Variants in NMBR observed in about 807,000 individuals in gnomAD.
NMBR encodes the protein neuromedin B receptor.
A neutral mutation model predicts 20.5 loss-of-function variants in NMBR; 16 were observed. The observed-to-expected ratio is 0.78, with a 90% CI of 0.53 to 1.19. NMBR has a LOEUF of 1.19. Among genes scored for constraint, NMBR ranks in the 50% most tolerant of loss-of-function variants. The pLI is 0.00. For missense variants in NMBR, 582 were observed against 499.1 expected, an observed-to-expected ratio of 1.17 and a Z score of -1.58; for synonymous variants, 212 against 196.6, an observed-to-expected ratio of 1.08 and a Z score of -0.65.
chr6:142,121,585 A>C (rs550777197), intron 1 of NMBR, among the ~76,000 whole-genome samples: 1 of 151,958 alleles, frequency 6.6e-6, no homozygotes, highest in Non-Finnish European at 1.5e-5. Context: ...ACTGTAACTC[A>C]GTAGCTTAGC....
Position 142,074,860 on chromosome 6 carries a change from A to G in NMBR, c.*788T>C, listed in dbSNP as rs1460130408. Among the ~76,000 whole-genome samples, 1 of 152,084 alleles carries G rather than the reference A, an allele frequency of 6.6e-6. No individual in the cohort carries two copies. The highest frequency in any genetic ancestry group is 1.9e-4 in the East Asian group (1 of 5,198). On this transcript the variant is annotated 3_prime_UTR_variant, in exon 4 of 4. Transcript: ENST00000258042. ...TCATAATGTAAATCATATTCATATGATACCTATTTTACATTCATAATATAA... is the reference window on the plus strand; with the variant it reads ...TCATAATGTAAATCATATTCATATGGTACCTATTTTACATTCATAATATAA...
intron 1 of NMBR, chr6:142,134,005 C>T (rs1487837097): frequency 1.4e-6 from 1 of 702,262 alleles, no homozygotes; most frequent in Non-Finnish European, 2.6e-6. Context: ...TCTTCTGTTA[C>T]AATCAGTTCA....
chr6:142,139,658 C>T (rs1313303033), intron 1 of NMBR, among the ~76,000 whole-genome samples: 1 of 152,192 alleles, frequency 6.6e-6, no homozygotes, highest in Admixed American at 6.5e-5. Flanking sequence ...TTGAACTAAA[C>T]ACTACATATT....
In NMBR at chr6:142,075,498, G is replaced by T. The variant is rs557398500; in HGVS notation, c.*150C>A. ...AGGAAATGAAAAGAGAAAAAATAAA[G>T]TCTAGTGTAGAGAAAAAATGTCTTG... On this transcript the variant is annotated 3_prime_UTR_variant, in exon 4 of 4. Transcript: ENST00000258042. 1.4e-4 allele frequency: 89 copies of T among 646,804 alleles called. 2 individuals are homozygous for T. The South Asian group carries it at 1.5e-3, about 11-fold the overall frequency. The allele number at this position is 646,804 out of a possible 1,614,324, so 40.1% of individuals were successfully genotyped here. A position where few individuals can be genotyped will look rare whatever the true frequency, so the allele number is the denominator to read the frequency against.
chr6:142,137,185 C>A (rs1272836792), intron 1 of NMBR, among the ~76,000 whole-genome samples: 2 of 152,154 alleles, frequency 1.3e-5, no homozygotes, highest in South Asian at 2.1e-4. Flanking sequence ...CAGTGGTTTG[C>A]AGTTCTCCTT....
At chr6:142,136,992 T>C (rs1778271350) in intron 1 of NMBR, among the ~76,000 whole-genome samples, 1 of 152,174 alleles carries the variant, frequency 6.6e-6, no homozygotes, top group Non-Finnish European at 1.5e-5. Flanking sequence ...CTTTTTTGGT[T>C]CCATATGAAT....
Position 142,088,237 on chromosome 6 carries a change from C to CTGTCG in NMBR, c.417_421dup (p.Arg141ThrfsTer24). On this transcript the variant is annotated frameshift_variant and splice_region_variant, in exon 2 of 4. Coordinates refer to ENST00000258042, the MANE Select transcript of NMBR (RefSeq NM_002511.4). LOFTEE classifies it high-confidence loss of function. Reference sequence around the variant, plus strand: ...CACTCACAGCTACCTGTGCTCTTACCTGTCGGCGCTGAGGGCAGTGAGAGT... The same window carrying CTGTCG: ...CACTCACAGCTACCTGTGCTCTTACCTGTCGTGTCGGCGCTGAGGGCAGTGAGAGT... 6.2e-7 allele frequency: 1 copy of CTGTCG among 1,609,444 alleles called. No individual in the cohort carries two copies. Among genetic ancestry groups the CTGTCG allele is most frequent in the Non-Finnish European group, 8.5e-7 (1 of 1,179,444 alleles).
intron 1 of NMBR, among the ~76,000 whole-genome samples, chr6:142,093,289 C>A (rs1296865507): frequency 2.8e-5 from 4 of 141,030 alleles, no homozygotes; most frequent in African/African-American, 1.1e-4. Context: ...TCTCCTAATG[C>A]TATCCCTCCC....
intron 1 of NMBR, among the ~76,000 whole-genome samples, chr6:142,123,029 A>AGATAGT (rs1176316947): frequency 6.6e-6 from 1 of 151,982 alleles, no homozygotes; most frequent in African/African-American, 2.4e-5. Context: ...ATAAAGCTAC[A>AGATAGT]GATAGTGATT....
chr6:142,088,354 G>T lies in NMBR; in HGVS notation c.305C>A (p.Ser102Ter). 6.2e-7 allele frequency: 1 copy of T among 1,614,030 alleles called. No homozygotes were observed. The highest frequency in any genetic ancestry group is 1.6e-4 in the Middle Eastern group (1 of 6,062). Residue 102 changes from serine (S) to a stop codon, truncating the protein, a stop_gained, in exon 2 of 4, where the codon TCG becomes TAG. Coordinates refer to ENST00000258042, the MANE Select transcript of NMBR (RefSeq NM_002511.4). LOFTEE classifies it high-confidence loss of function. ...LLLTCVPVDA[S>*]RYFFDEWMFG... is the part of the protein sequence containing the mutation. ...CATCCACTCGTCGAAGAAGTAGCGC[G>T]AGGCGTCCACCGGGACGCAGGTGAG...
At chr6:142,136,068 C>A (rs1269026241) in intron 1 of NMBR, among the ~76,000 whole-genome samples, 2 of 152,194 alleles carry the variant, frequency 1.3e-5, no homozygotes, top group Non-Finnish European at 2.9e-5. Context: ...GAGGAATCGC[C>A]ACACTGACTT....
In NMBR at chr6:142,104,725, C is replaced by T. The variant is rs190092669; in HGVS notation, c.-663-15404G>A. 1.5e-3 allele frequency among the ~76,000 whole-genome samples: 221 copies of T among 152,320 alleles called. 2 individuals carry two copies. Among genetic ancestry groups the T allele is most frequent in the African/African-American group, 4.9e-3 (205 of 41,570 alleles). Reference sequence around the variant, plus strand: ...GAATCTATCTCTTCTTCTCTCCTCTCTCCCTCTCTTTTTTTGTTACAGTTT... The same window carrying T: ...GAATCTATCTCTTCTTCTCTCCTCTTTCCCTCTCTTTTTTTGTTACAGTTT... On this transcript the variant is annotated intron_variant, in intron 1 of 3. Coordinates refer to ENST00000258042, the MANE Select transcript of NMBR (RefSeq NM_002511.4).
intron 1 of NMBR, among the ~76,000 whole-genome samples, chr6:142,145,211 A>G (rs970180768): frequency 6.6e-6 from 1 of 152,166 alleles, no homozygotes; most frequent in Admixed American, 6.5e-5. Context: ...AATGAGAAAG[A>G]GTGGCAAAAT....
chr6:142,087,700 T>G (rs1777225291), intron 2 of NMBR, among the ~76,000 whole-genome samples: 1 of 152,210 alleles, frequency 6.6e-6, no homozygotes, highest in African/African-American at 2.4e-5. Context: ...CAAAGAACAT[T>G]TATTAATCTA....
intron 1 of NMBR, among the ~76,000 whole-genome samples, chr6:142,091,602 A>G (rs1190414120): frequency 6.6e-6 from 1 of 152,208 alleles, no homozygotes; most frequent in Admixed American, 6.5e-5. Context: ...ATGTTTATCA[A>G]TATTCCTGGA....
chr6:142,118,605 A>T (rs1777891601), intron 1 of NMBR, among the ~76,000 whole-genome samples: 1 of 152,066 alleles, frequency 6.6e-6, no homozygotes, highest in Non-Finnish European at 1.5e-5. Context: ...CTTACTCAGC[A>T]GGCATGAAAT....
chr6:142,113,033 T>C (rs1440457583), intron 1 of NMBR, among the ~76,000 whole-genome samples: 1 of 152,066 alleles, frequency 6.6e-6, no homozygotes, highest in African/African-American at 2.4e-5. Flanking sequence ...CATTATTCCA[T>C]AATGCAATAG....
At chr6:142,118,236 T>C (rs570945577) in intron 1 of NMBR, among the ~76,000 whole-genome samples, 60 of 152,120 alleles carry the variant, frequency 3.9e-4, no homozygotes, top group African/African-American at 1.3e-3. Context: ...CCTGAGCATG[T>C]TGAATGGTAT....
intron 1 of NMBR, among the ~76,000 whole-genome samples, chr6:142,114,981 C>G (rs185755788): frequency 2.3e-3 from 343 of 152,224 alleles, no homozygotes; most frequent in Non-Finnish European, 3.9e-3. Flanking sequence ...CTTAGCAGAT[C>G]TCTAATCAAT....
Sources: allele counts gnomAD v4.1 joint callset (sites outside exome capture counted in the v4.1 genomes callset), GRCh38; gene constraint gnomAD v4.1.1; transcripts MANE v1.5; gene names NCBI Gene and HGNC (gene_info 2026-07-23, HGNC 2026-07-21).